MYO5B: variants seen among roughly 807,000 people sequenced by gnomAD.
MYO5B encodes unconventional myosin-Vb.
Under a neutral mutation model 229.3 loss-of-function variants are expected in MYO5B, and 143 were observed. That is an observed-to-expected ratio of 0.62 (90% CI 0.54 to 0.72). The LOEUF (loss-of-function observed/expected upper bound fraction) is 0.72. Among genes scored for constraint, MYO5B ranks in the 30% least tolerant of loss-of-function variants. The pLI is 0.00. For missense variants in MYO5B, 2,321 were observed against 2,331.0 expected, an observed-to-expected ratio of 1.00 and a Z score of 0.09; for synonymous variants, 918 against 885.2, an observed-to-expected ratio of 1.04 and a Z score of -0.66.
chr18:49,936,149 A>C, intron 16 of MYO5B, 103 bp downstream of exon 16: 1 of 943,036 alleles, frequency 1.1e-6, no homozygotes, highest in Non-Finnish European at 1.7e-6. Flanking sequence ...CCAGGTGGTC[A>C]TCATGCTGAA....
Position 49,877,690 on chromosome 18 carries a change from G to T in MYO5B, c.3396+73C>A, listed in dbSNP as rs1175660012. 5 of 1,601,162 alleles carry T rather than the reference G, an allele frequency of 3.1e-6. No homozygotes were observed. In the Middle Eastern group the frequency reaches 6.3e-4, roughly 203 times the overall value. On this transcript the variant is annotated intron_variant, in intron 25 of 39. Coordinates refer to ENST00000285039, the MANE Select transcript of MYO5B (RefSeq NM_001080467.3). ...ATCAGCAGAAGAGTAAATTTCTCTT[G>T]GACAGTTCCACACAGAAAAAAACAC...
At chr18:49,953,575 G>C (rs945511121) in intron 13 of MYO5B, among the ~76,000 whole-genome samples, 5 of 152,112 alleles carry the variant, frequency 3.3e-5, no homozygotes, top group African/African-American at 9.7e-5. Flanking sequence ...ATAATAAAAG[G>C]TTTCTTCAGG....
At position 50,079,598 on chromosome 18, in the gene MYO5B, T is replaced by C. The variant is rs145590781; in HGVS notation, c.28-24220A>G. On this transcript the variant is annotated intron_variant, in intron 1 of 39. Transcript: ENST00000285039. ...CAAATACCTGTTGGTCTCACTGGCATTGGAGAATATGAATGGATGACTATG... is the reference window on the plus strand; with the variant it reads ...CAAATACCTGTTGGTCTCACTGGCACTGGAGAATATGAATGGATGACTATG... Among the ~76,000 whole-genome samples the C allele has an allele frequency of 2.9e-4, 44 of 152,314 alleles. No individual in the cohort carries two copies. The South Asian group carries it at 6.8e-3, about 24-fold the overall frequency.
intron 10 of MYO5B, among the ~76,000 whole-genome samples, chr18:49,966,579 G>C (rs1482060581): frequency 1.3e-5 from 2 of 152,208 alleles, no homozygotes; most frequent in Non-Finnish European, 2.9e-5. Context: ...GGAGATAAAA[G>C]AGCCACCCCA....
intron 17 of MYO5B, among the ~76,000 whole-genome samples, chr18:49,919,849 C>T (rs2025056017): frequency 6.6e-6 from 1 of 152,202 alleles, no homozygotes; most frequent in African/African-American, 2.4e-5. Context: ...TGTGTCTACA[C>T]AAAAACATGT....
chr18:49,904,482 G>A (rs2024877019), intron 20 of MYO5B, among the ~76,000 whole-genome samples, 190 bp downstream of exon 20: 1 of 152,212 alleles, frequency 6.6e-6, no homozygotes, highest in African/African-American at 2.4e-5. Flanking sequence ...ACATTTAATG[G>A]ACTAAGACAA....
Position 50,146,133 on chromosome 18 carries a change from G to T in MYO5B, c.27+48634C>A, listed in dbSNP as rs139052867. Among the ~76,000 whole-genome samples, 287 of 152,304 alleles carry T rather than the reference G, an allele frequency of 1.9e-3. 5 individuals carry two copies. In the East Asian group the frequency reaches 0.039, roughly 21 times the overall value. ...TGTAGTATTTTGCAGCACACTTGCA[G>T]GTTCTGCCTTCACTCAGTCTAACCC... On this transcript the variant is annotated intron_variant, in intron 1 of 39. Transcript: ENST00000285039.
At chr18:50,121,327 A>T (rs1163142599) in intron 1 of MYO5B, among the ~76,000 whole-genome samples, 1 of 152,218 alleles carries the variant, frequency 6.6e-6, no homozygotes, top group Non-Finnish European at 1.5e-5. Context: ...TCTAATAAAC[A>T]TTGCTAGAAT....
intron 1 of MYO5B, among the ~76,000 whole-genome samples, chr18:50,162,946 A>G (rs567700015): frequency 6.6e-6 from 1 of 152,358 alleles, no homozygotes; most frequent in East Asian, 1.9e-4. Context: ...TCAGCTAAGC[A>G]AAGTGTCCTT....
Position 49,837,762 on chromosome 18 carries a change from A to G in MYO5B, c.4893T>C (p.Ser1631=). 1 of 1,614,224 alleles carries G rather than the reference A, an allele frequency of 6.2e-7. No individual in the cohort carries two copies. The highest frequency in any genetic ancestry group is 8.5e-7 in the Non-Finnish European group (1 of 1,180,036). The change falls in exon 37 of 40, where the codon TCT becomes TCC. Residue 1631 remains serine (S), a synonymous_variant. Transcript: ENST00000285039. ...MLENESIQGL[S]GVKPTGYRKR... ...TCCGGTAGCCGGTGGGCTTCACACCAGATAGACCCTGAATGCTCTCATTTT... is the reference window on the plus strand; with the variant it reads ...TCCGGTAGCCGGTGGGCTTCACACCGGATAGACCCTGAATGCTCTCATTTT...
chr18:50,162,631 C>T (rs2032784220), intron 1 of MYO5B, among the ~76,000 whole-genome samples: 1 of 152,190 alleles, frequency 6.6e-6, no homozygotes, highest in Non-Finnish European at 1.5e-5. Context: ...CGGCCCTGAG[C>T]CCTCGACCAC....
At chr18:49,880,506 A>T in intron 22 of MYO5B, 51 bp from the exon 23 acceptor site, 1 of 1,387,434 alleles carries the variant, frequency 7.2e-7, no homozygotes, top group East Asian at 2.3e-5. Context: ...GGAAGAGGAG[A>T]GGCTCCTCTT....
intron 1 of MYO5B, among the ~76,000 whole-genome samples, chr18:50,155,523 A>C (rs575933301): frequency 6.6e-6 from 1 of 152,354 alleles, no homozygotes; most frequent in East Asian, 1.9e-4. Context: ...ACTGCTTCTA[A>C]CTACCTTGCA....
chr18:50,125,592 G>A (rs1386223283), intron 1 of MYO5B, among the ~76,000 whole-genome samples: 1 of 152,110 alleles, frequency 6.6e-6, no homozygotes, highest in East Asian at 1.9e-4. Flanking sequence ...TATGTGTCAG[G>A]AACAGTTCAA....
In MYO5B at chr18:49,948,317, A is replaced by G. The variant is rs190257218; in HGVS notation, c.1752+4943T>C. Among the ~76,000 whole-genome samples, 693 of 152,304 alleles carry G rather than the reference A, an allele frequency of 4.6e-3. 4 individuals are homozygous for G. The highest frequency in any genetic ancestry group is 7.0e-3 in the Non-Finnish European group (477 of 68,024). ...CAATTCTTTTTACATGACTAATGGT[A>G]CCCTTTGGAGGGAAAAATCTCTGAC... On this transcript the variant is annotated intron_variant, in intron 14 of 39. Coordinates refer to ENST00000285039, the MANE Select transcript of MYO5B (RefSeq NM_001080467.3).
Position 50,066,615 on chromosome 18 carries a change from AG to A in MYO5B, c.28-11238del, listed in dbSNP as rs2030826234. 5.9e-5 allele frequency among the ~76,000 whole-genome samples: 9 copies of A among 152,364 alleles called. No individual in the cohort carries two copies. In the South Asian group the frequency reaches 1.9e-3, roughly 32 times the overall value. The stretch of plus-strand genomic sequence containing the variant: ...GCACAATAATACCATCTAAAATTCT[AG>A]GATATCAGAAGGAAAAAATGTTCCC... On this transcript the variant is annotated intron_variant, in intron 1 of 39. Transcript: ENST00000285039.
chr18:49,887,730 G>T lies in MYO5B; in HGVS notation c.3045+7211C>A, dbSNP rs183267319. ...GAGTCTCCCTCTGTCACCCAGACTG[G>T]ATTGCAGTGGCGCGATCTCAGCTCA... On this transcript the variant is annotated intron_variant, in intron 22 of 39. Transcript: ENST00000285039. Among the ~76,000 whole-genome samples, 89 of 152,180 alleles carry T rather than the reference G, an allele frequency of 5.8e-4. 1 individual carries two copies. In the East Asian group the frequency reaches 0.016, roughly 28 times the overall value.
In MYO5B at chr18:49,954,304, G is replaced by A; in HGVS notation, c.1668+9C>T. ...AGGGAATACCCGAGCCAACAGAGAGGAGAGCCACCTTGTCTGCAAAGTGGA... is the reference window on the plus strand; with the variant it reads ...AGGGAATACCCGAGCCAACAGAGAGAAGAGCCACCTTGTCTGCAAAGTGGA... On this transcript the variant is annotated intron_variant, in intron 13 of 39. Coordinates refer to ENST00000285039, the MANE Select transcript of MYO5B (RefSeq NM_001080467.3). The A allele has an allele frequency of 6.2e-7, 1 of 1,613,820 alleles. No individual in the cohort carries two copies. The highest frequency in any genetic ancestry group is 8.5e-7 in the Non-Finnish European group (1 of 1,179,866).
intron 4 of MYO5B, among the ~76,000 whole-genome samples, chr18:50,028,453 T>C (rs2026354530): frequency 6.7e-6 from 1 of 150,362 alleles, no homozygotes; most frequent in African/African-American, 2.5e-5. Context: ...GATAGGAGAG[T>C]GTCTGAAAAG....
Sources: gnomAD v4.1 joint callset for allele counts (sites outside exome capture counted in the v4.1 genomes callset) on GRCh38, gnomAD v4.1.1 for gene constraint, MANE v1.5 for transcripts, NCBI Gene and HGNC (gene_info 2026-07-23, HGNC 2026-07-21) for gene names.